The following PCDH7 variants were observed in gnomAD, a reference collection of about 807,000 sequenced individuals.
PCDH7 encodes protocadherin 7, also known as protocadherin-7.
In PCDH7, 17 loss-of-function variants were observed where a neutral mutation model predicts 58.9. The ratio of observed to expected loss-of-function variants is 0.29; its 90% CI spans 0.20 to 0.43. The LOEUF (loss-of-function observed/expected upper bound fraction) is 0.43, where lower values mean the gene tolerates loss of function less well. Ranked by LOEUF, PCDH7 falls within the 20% of genes least tolerant of loss-of-function variation. The probability of loss-of-function intolerance (pLI) is 1.00; values close to 1 mark genes in which losing one functional copy is unlikely to be tolerated. For synonymous variants in PCDH7, 664 were observed against 616.4 expected (o/e 1.08, Z -1.14); for missense variants, 1,274 against 1,441.0 (o/e 0.88, Z 1.88).
chr4:30,807,909 A>G (rs1341927684), intron 1 of PCDH7, among the ~76,000 whole-genome samples: 1 of 152,188 alleles, frequency 6.6e-6, no homozygotes, highest in Non-Finnish European at 1.5e-5. Context: ...GATACATGAG[A>G]GGTGTCCACC....
chr4:30,940,899 TC>T (rs901406361), intron 2 of PCDH7, among the ~76,000 whole-genome samples: 22 of 151,934 alleles, frequency 1.4e-4, no homozygotes, highest in African/African-American at 4.6e-4. Flanking sequence ...ATATTTTTTT[TC>T]GGCTTGAAAT....
At chr4:30,993,286 G>A (rs965225224) in intron 3 of PCDH7, among the ~76,000 whole-genome samples, 1 of 152,160 alleles carries the variant, frequency 6.6e-6, no homozygotes, top group African/African-American at 2.4e-5. Context: ...GGTAGATACT[G>A]TGCTTGACAA....
At chr4:30,836,553 T>C (rs1730507363) in intron 1 of PCDH7, among the ~76,000 whole-genome samples, 1 of 152,208 alleles carries the variant, frequency 6.6e-6, no homozygotes, top group Non-Finnish European at 1.5e-5. Context: ...CAGGAGATTG[T>C]ATATGTTGGC....
At chr4:31,121,202 G>GA (rs1578853472) in intron 3 of PCDH7, among the ~76,000 whole-genome samples, 2 of 151,880 alleles carry the variant, frequency 1.3e-5, no homozygotes, top group South Asian at 4.1e-4. Flanking sequence ...TGCTGCAAGA[G>GA]AAAAAAAGAC....
chr4:31,079,309 GATATATATATATATATATATAT>G (rs149501069), intron 3 of PCDH7, among the ~76,000 whole-genome samples: 2,087 of 67,426 alleles, frequency 0.031, 53 homozygotes, highest in Non-Finnish European at 0.04. Context: ...AATACTGGAA[GATATATATATATATATATATAT>G]ATATATATAT....
intron 2 of PCDH7, among the ~76,000 whole-genome samples, chr4:30,945,697 A>T (rs1321601133): frequency 1.3e-5 from 2 of 152,082 alleles, no homozygotes; most frequent in Non-Finnish European, 2.9e-5. Context: ...GTAATTTGAA[A>T]ATACTGTTTG....
intron 2 of PCDH7, among the ~76,000 whole-genome samples, chr4:30,943,327 G>C (rs1278151362): frequency 6.6e-6 from 1 of 151,988 alleles, no homozygotes; most frequent in African/African-American, 2.4e-5. Context: ...CTAATTAACT[G>C]TCACGTGAAA....
intron 3 of PCDH7, among the ~76,000 whole-genome samples, chr4:31,056,635 GGAGA>G (rs777023500): frequency 2.0e-5 from 3 of 147,754 alleles, no homozygotes; most frequent in Non-Finnish European, 4.5e-5. Flanking sequence ...GAGAGAGAGA[GGAGA>G]GAGAGAGAGA....
At chr4:30,846,485 G>GTT (rs200889915) in intron 1 of PCDH7, among the ~76,000 whole-genome samples, 73 of 144,518 alleles carry the variant, frequency 5.1e-4, no homozygotes, top group East Asian at 2.7e-3. Flanking sequence ...AGAACTGTGA[G>GTT]TTTTTTTTTT....
intron 1 of PCDH7, among the ~76,000 whole-genome samples, chr4:30,855,798 G>A (rs1733374901): frequency 6.6e-6 from 1 of 152,084 alleles, no homozygotes; most frequent in African/African-American, 2.4e-5. Flanking sequence ...TATTCACCCT[G>A]AATAGGTCAG....
intron 1 of PCDH7, among the ~76,000 whole-genome samples, chr4:30,864,654 T>C (rs1318323543): frequency 1.3e-5 from 2 of 152,100 alleles, no homozygotes; most frequent in African/African-American, 4.8e-5. Flanking sequence ...TCAGTGGTCC[T>C]ATACTGTGAA....
intron 3 of PCDH7, among the ~76,000 whole-genome samples, chr4:31,121,545 GTGGACTTTTTATGTTCC>G (rs1020631067): frequency 2.0e-5 from 3 of 152,164 alleles, no homozygotes; most frequent in African/African-American, 7.2e-5. Context: ...TTTTATCTTT[GTGGACTTTTTATGTTCC>G]TGTATCTTTT....
intron 3 of PCDH7, among the ~76,000 whole-genome samples, chr4:30,977,617 G>C (rs541031497): frequency 6.6e-6 from 1 of 152,070 alleles, no homozygotes. Flanking sequence ...TTTTCACCAA[G>C]TGCACATTTT....
chr4:30,956,660 T>A (rs997759121), intron 3 of PCDH7, among the ~76,000 whole-genome samples: 1 of 152,238 alleles, frequency 6.6e-6, no homozygotes, highest in Admixed American at 6.5e-5. Flanking sequence ...TAAAGTATTT[T>A]ACCTGGAAGG....
At chr4:30,735,009 C>G (rs1315188647), downstream of PCDH7, among the ~76,000 whole-genome samples, 6 of 151,984 alleles carry the variant, frequency 3.9e-5, no homozygotes, top group African/African-American at 1.2e-4. Flanking sequence ...TCTGATCTCC[C>G]CGCTTCCCTT....
chr4:30,744,282 A>T (rs947482895), intron 1 of PCDH7, among the ~76,000 whole-genome samples: 3 of 151,318 alleles, frequency 2.0e-5, no homozygotes, highest in Admixed American at 6.8e-5. Flanking sequence ...TTACATTTTT[A>T]AAAAAATCAG....
intron 3 of PCDH7, among the ~76,000 whole-genome samples, chr4:30,984,401 A>C (rs1427262319): frequency 6.6e-6 from 1 of 152,174 alleles, no homozygotes; most frequent in Admixed American, 6.5e-5. Context: ...TAGGAAACCT[A>C]TATTTGGTCT....
chr4:30,830,535 C>T (rs1292678421), intron 1 of PCDH7, among the ~76,000 whole-genome samples: 1 of 151,876 alleles, frequency 6.6e-6, no homozygotes, highest in Non-Finnish European at 1.5e-5. Context: ...GCTCCTTTTG[C>T]TTTCCTTCCG....
chr4:30,737,031 C>A (rs757624028), downstream of PCDH7, among the ~76,000 whole-genome samples: 6 of 152,132 alleles, frequency 3.9e-5, no homozygotes, highest in Non-Finnish European at 7.4e-5. Flanking sequence ...TACTGGTTTA[C>A]TCCTCAAAGG....
Sources: gnomAD v4.1 joint callset for allele counts (sites outside exome capture counted in the v4.1 genomes callset) on GRCh38, gnomAD v4.1.1 for gene constraint, MANE v1.5 for transcripts, NCBI Gene and HGNC (gene_info 2026-07-23, HGNC 2026-07-21) for gene names.